LTBP1: variants seen among roughly 807,000 people sequenced by gnomAD.
The protein encoded by LTBP1 is latent-transforming growth factor beta-binding protein 1.
Under a neutral mutation model 207.6 loss-of-function variants are expected in LTBP1, and 129 were observed. The observed-to-expected ratio is 0.62, with a 90% confidence interval of 0.54 to 0.72. The LOEUF is 0.72. Ranked by LOEUF, LTBP1 falls within the 30% of genes least tolerant of loss-of-function variation. The pLI is 0.00. For synonymous variants in LTBP1, 963 were observed against 833.7 expected (o/e 1.16, Z -2.67); for missense variants, 2,281 against 2,217.2 (o/e 1.03, Z -0.58).
chr2:33,149,228 CAAAAA>C (rs58303103), intron 5 of LTBP1, among the ~76,000 whole-genome samples: 47 of 82,786 alleles, frequency 5.7e-4, no homozygotes, highest in East Asian at 7.7e-4. Context: ...CACAAAAAAA[CAAAAA>C]AAAAAAAAAA....
At chr2:33,245,654 A>C (rs940369817) in intron 10 of LTBP1, among the ~76,000 whole-genome samples, 4 of 152,242 alleles carry the variant, frequency 2.6e-5, no homozygotes, top group Non-Finnish European at 4.4e-5. Context: ...TGGAAATTTC[A>C]GGCCAAAAAT....
intron 31 of LTBP1, among the ~76,000 whole-genome samples, chr2:33,366,964 A>G (rs971604627): frequency 6.6e-6 from 1 of 152,168 alleles, no homozygotes; most frequent in Admixed American, 6.5e-5. Context: ...CTAAAGTATT[A>G]AAATAATCAA....
At chr2:33,396,601 C>G (rs1407281401) in intron 32 of LTBP1, among the ~76,000 whole-genome samples, 1 of 152,198 alleles carries the variant, frequency 6.6e-6, no homozygotes, top group African/African-American at 2.4e-5. Flanking sequence ...CTTTGATCCC[C>G]TGGGAGCCCT....
rs1309444052 is a variant in LTBP1 at position 33,360,494 on chromosome 2, T to C, written c.4001-103T>C. On this transcript the variant is annotated intron_variant, in intron 26 of 33. Transcript: ENST00000404816. ...TGGAAAGCATTTTCTATAAAGCAAA[T>C]GCTATTGACACGGTCACTCTTTCCC... is the stretch of plus-strand genomic sequence containing the variant. 4.4e-6 allele frequency: 3 copies of C among 685,566 alleles called. 1 individual carries two copies. The highest frequency in any genetic ancestry group is 7.4e-6 in the Non-Finnish European group (3 of 404,270). 42.5% of individuals were successfully genotyped at this position (685,566 alleles called of 1,614,324 possible). A position where few individuals can be genotyped will look rare whatever the true frequency, so the allele number is the denominator to read the frequency against.
chr2:33,275,711 G>C (rs892072726), intron 17 of LTBP1, 90 bp from the exon 18 acceptor site: 7 of 1,499,076 alleles, frequency 4.7e-6, no homozygotes, highest in Non-Finnish European at 3.7e-6. Flanking sequence ...CAGTTACTTC[G>C]TTATTATATT....
chr2:32,970,871 A>C (rs1321744210), intron 2 of LTBP1, among the ~76,000 whole-genome samples: 1 of 151,224 alleles, frequency 6.6e-6, no homozygotes, highest in Non-Finnish European at 1.5e-5. Flanking sequence ...AATAATATTG[A>C]TTCTTCCTGT....
chr2:33,037,203 A>AT (rs1398575834), intron 3 of LTBP1, among the ~76,000 whole-genome samples: 1 of 152,190 alleles, frequency 6.6e-6, no homozygotes, highest in African/African-American at 2.4e-5. Context: ...CTACCATATC[A>AT]TATATGTTTC....
At chr2:33,060,550 G>C (rs531148514) in intron 3 of LTBP1, among the ~76,000 whole-genome samples, 2 of 151,358 alleles carry the variant, frequency 1.3e-5, no homozygotes, top group South Asian at 4.2e-4. Flanking sequence ...GTGTGTTTGG[G>C]GGGGATGTGT....
intron 5 of LTBP1, among the ~76,000 whole-genome samples, chr2:33,148,971 T>G (rs2083277046): frequency 6.6e-6 from 1 of 151,916 alleles, no homozygotes; most frequent in South Asian, 2.1e-4. Context: ...TCCCAGCACT[T>G]TGGGAGGCCG....
At chr2:33,166,054 A>G (rs941751134) in intron 5 of LTBP1, among the ~76,000 whole-genome samples, 8 of 143,342 alleles carry the variant, frequency 5.6e-5, no homozygotes, top group Non-Finnish European at 3.0e-5. Flanking sequence ...ACACCCCTCT[A>G]TGAGTAATGT....
rs781470755 is a variant in LTBP1 at position 33,347,944 on chromosome 2, A to G, written c.4000+434A>G. ...ACATATAGGCCTCTTAGGATCTACAAAGACTTCCACTTGGAATTCTTAAGG... is the reference window on the plus strand; with the variant it reads ...ACATATAGGCCTCTTAGGATCTACAGAGACTTCCACTTGGAATTCTTAAGG... On this transcript the variant is annotated intron_variant, in intron 26 of 33. Coordinates refer to ENST00000404816, the MANE Select transcript of LTBP1 (RefSeq NM_206943.4). 3.9e-5 allele frequency among the ~76,000 whole-genome samples: 6 copies of G among 152,292 alleles called. No individual in the cohort carries two copies. In the South Asian group the frequency reaches 6.2e-4, roughly 16 times the overall value.
At chr2:33,025,107 T>G (rs2075355958) in intron 3 of LTBP1, among the ~76,000 whole-genome samples, 1 of 152,090 alleles carries the variant, frequency 6.6e-6, no homozygotes, top group African/African-American at 2.4e-5. Context: ...TGATCCTAGA[T>G]TAGGGAGAGC....
intron 14 of LTBP1, 23 bp from the exon 15 acceptor site, chr2:33,263,271 T>C: frequency 6.7e-7 from 1 of 1,485,766 alleles, no homozygotes; most frequent in Non-Finnish European, 9.4e-7. Flanking sequence ...AATTTTCTTT[T>C]TATCCTCTGC....
intron 5 of LTBP1, among the ~76,000 whole-genome samples, chr2:33,176,650 G>A (rs1320515243): frequency 6.6e-6 from 1 of 152,172 alleles, no homozygotes; most frequent in African/African-American, 2.4e-5. Flanking sequence ...TCTAGAGAAA[G>A]TGGTGAACGA....
chr2:33,100,391 A>C (rs1400954721), intron 3 of LTBP1, among the ~76,000 whole-genome samples: 2 of 151,960 alleles, frequency 1.3e-5, no homozygotes, highest in Admixed American at 6.6e-5. Flanking sequence ...AAGACTTGAC[A>C]CTGTGTCATC....
At chr2:33,298,685 GT>G (rs1443726811) in intron 20 of LTBP1, among the ~76,000 whole-genome samples, 1 of 152,134 alleles carries the variant, frequency 6.6e-6, no homozygotes, top group African/African-American at 2.4e-5. Flanking sequence ...AAGTTACCTT[GT>G]TTATTTTCTC....
Position 33,358,229 on chromosome 2 carries a change from C to G in LTBP1, c.4001-2368C>G, listed in dbSNP as rs2094887610. Reference sequence around the variant, plus strand: ...AAAATAAGACCAAAACTTATAACAACCAGTGTAAAAAATAATTATAGTTAC... The same window carrying G: ...AAAATAAGACCAAAACTTATAACAAGCAGTGTAAAAAATAATTATAGTTAC... On this transcript the variant is annotated intron_variant, in intron 26 of 33. Transcript: ENST00000404816. 2.0e-5 allele frequency among the ~76,000 whole-genome samples: 3 copies of G among 152,008 alleles called. No individual in the cohort carries two copies. In the South Asian group the frequency reaches 6.2e-4, roughly 32 times the overall value.
chr2:33,090,846 A>C (rs546529966), intron 3 of LTBP1, among the ~76,000 whole-genome samples: 14 of 152,344 alleles, frequency 9.2e-5, no homozygotes, highest in South Asian at 4.1e-4. Flanking sequence ...GAGGGAAGGC[A>C]CTTGCTGGTA....
chr2:33,383,302 G>A (rs187996153), intron 31 of LTBP1, among the ~76,000 whole-genome samples: 16 of 152,350 alleles, frequency 1.1e-4, no homozygotes, highest in South Asian at 6.2e-4. Flanking sequence ...GCAGTGAACC[G>A]AGATTGCGCC....
Sources: allele counts gnomAD v4.1 joint callset (sites outside exome capture counted in the v4.1 genomes callset), GRCh38; gene constraint gnomAD v4.1.1; transcripts MANE v1.5; gene names NCBI Gene and HGNC (gene_info 2026-07-23, HGNC 2026-07-21).